Variants in RMDN1 observed in about 807,000 individuals in gnomAD.
RMDN1 encodes the protein regulator of microtubule dynamics protein 1.
RMDN1 carries 48 observed loss-of-function variants against 48.9 expected under a neutral mutation model. The ratio of observed to expected loss-of-function variants is 0.98; its 90% confidence interval spans 0.78 to 1.25. The LOEUF (loss-of-function observed/expected upper bound fraction) is 1.25. Ranked by LOEUF, RMDN1 falls within the 50% of genes most tolerant of loss-of-function variation. The probability of loss-of-function intolerance (pLI) is 0.00; values close to 1 mark genes in which losing one functional copy is unlikely to be tolerated. For synonymous variants in RMDN1, 148 were observed against 132.6 expected (o/e 1.12, Z -0.80); for missense variants, 418 against 373.4 (o/e 1.12, Z -0.98).
intron 6 of RMDN1, among the ~76,000 whole-genome samples, chr8:86,479,917 A>AGAT (rs1260040522): frequency 2.0e-5 from 3 of 152,172 alleles, no homozygotes; most frequent in Non-Finnish European, 4.4e-5. Context: ...ATGGTTCCTC[A>AGAT]GATTAATCAA....
At chr8:86,471,745 G>C (rs980621936), downstream of RMDN1, among the ~76,000 whole-genome samples, 1 of 152,156 alleles carries the variant, frequency 6.6e-6, no homozygotes, top group African/African-American at 2.4e-5. Flanking sequence ...GTGAAAGTCA[G>C]GCAAAGATCT....
intron 5 of RMDN1, chr8:86,481,991 C>A: frequency 2.4e-6 from 2 of 847,352 alleles, no homozygotes; most frequent in Non-Finnish European, 3.9e-6. Context: ...GAAATGGTGT[C>A]CAGGAGTACA....
chr8:86,504,911 T>C (rs1819054471), intron 2 of RMDN1: 3 of 1,150,856 alleles, frequency 2.6e-6, no homozygotes, highest in South Asian at 2.4e-5. Context: ...TCTTGACCTT[T>C]ACCTTCTTCA....
At chr8:86,482,603 C>T (rs1278262971) in intron 5 of RMDN1, 17 of 758,150 alleles carry the variant, frequency 2.2e-5, no homozygotes, top group Non-Finnish European at 4.2e-5. Flanking sequence ...TGACAACTGC[C>T]TCCCACATCA....
rs922321007 is a variant in RMDN1, at chr8:86,481,638, AAGG to A, written c.586-1309_586-1307del. The A allele has an allele frequency of 1.5e-5, 5 of 327,436 alleles. No individual in the cohort carries two copies. The Admixed American group carries it at 2.3e-4, about 15-fold the overall frequency. The allele number at this position is 327,436 out of a possible 1,614,324, so 20.3% of individuals were successfully genotyped here. A position where few individuals can be genotyped will look rare whatever the true frequency, so the allele number is the denominator to read the frequency against. ...GTCATTTGAAAAACACTGAGGAAGGAAGGAGAAGACCTAAGACCCAATGGATGT... is the reference window on the plus strand; with the variant it reads ...GTCATTTGAAAAACACTGAGGAAGGAAGAAGACCTAAGACCCAATGGATGT... On this transcript the variant is annotated intron_variant, in intron 5 of 9. Coordinates refer to ENST00000406452, the MANE Select transcript of RMDN1 (RefSeq NM_016033.3).
upstream of RMDN1, among the ~76,000 whole-genome samples, chr8:86,510,816 G>A (rs1468124446): frequency 6.6e-6 from 1 of 152,154 alleles, no homozygotes; most frequent in Non-Finnish European, 1.5e-5. Context: ...GAAAGGTGTG[G>A]AAGTTTGATA....
upstream of RMDN1, chr8:86,508,802 TG>T (rs1563674211): frequency 1.5e-6 from 2 of 1,319,734 alleles, no homozygotes; most frequent in Non-Finnish European, 1.9e-6. Context: ...GCTTAGGGGG[TG>T]GGAAATACCC....
At chr8:86,508,716 C>T, upstream of RMDN1, 2 of 1,335,376 alleles carry the variant, frequency 1.5e-6, no homozygotes, top group Non-Finnish European at 1.9e-6. Context: ...AGAACCGCGC[C>T]CGCCCGCCTC....
rs1819091143 is a variant in RMDN1, at chr8:86,505,092, C to T, written c.247+1903G>A. 3.6e-6 allele frequency: 5 copies of T among 1,383,078 alleles called. No individual in the cohort carries two copies. In the African/African-American group the frequency reaches 4.4e-5, roughly 12 times the overall value. 85.7% of individuals were successfully genotyped at this position (1,383,078 alleles called of 1,614,324 possible). On this transcript the variant is annotated intron_variant, in intron 2 of 9. Coordinates refer to ENST00000406452, the MANE Select transcript of RMDN1 (RefSeq NM_016033.3). ...AGTCATGCCTCCTTCCACCTCCCTC[C>T]CAGCATGGGAAAGCCACCTCTCCCT...
At chr8:86,478,719 C>G in intron 7 of RMDN1, 1 of 525,946 alleles carries the variant, frequency 1.9e-6, no homozygotes, top group Non-Finnish European at 3.4e-6. Flanking sequence ...CCAGAATTAC[C>G]AGCCACTCAC....
chr8:86,468,914 G>T (rs186388353), downstream of RMDN1, among the ~76,000 whole-genome samples: 2 of 152,194 alleles, frequency 1.3e-5, no homozygotes, highest in East Asian at 3.9e-4. Context: ...CTAACCGAAA[G>T]AAATTAGGAG....
In RMDN1 at chr8:86,506,474, G is replaced by A. The variant is rs146759734; in HGVS notation, c.247+521C>T. Among the ~76,000 whole-genome samples the A allele has an allele frequency of 2.0e-3, 301 of 152,304 alleles. 3 individuals carry two copies. Among genetic ancestry groups the A allele is most frequent in the Middle Eastern group, 6.8e-3 (2 of 294 alleles). Reference sequence around the variant, plus strand: ...AATCTTTCCAACAGACCATGTTCGAGATAGTATGAGTCAATGTACAGTGTA... The same window carrying A: ...AATCTTTCCAACAGACCATGTTCGAAATAGTATGAGTCAATGTACAGTGTA... On this transcript the variant is annotated intron_variant, in intron 2 of 9. Coordinates refer to ENST00000406452, the MANE Select transcript of RMDN1 (RefSeq NM_016033.3).
chr8:86,470,184 A>G, downstream of RMDN1: 1 of 1,289,046 alleles, frequency 7.8e-7, no homozygotes, highest in Non-Finnish European at 1.0e-6. Flanking sequence ...TATGTATGTA[A>G]TAACACTTAG....
At position 86,473,819 on chromosome 8, in the gene RMDN1, TTTAC is replaced by T; in HGVS notation, c.*485_*488del. 1 of 984,976 alleles carries T rather than the reference TTTAC, an allele frequency of 1.0e-6. No individual in the cohort carries two copies. Among genetic ancestry groups the T allele is most frequent in the Non-Finnish European group, 1.2e-6 (1 of 829,480 alleles). The allele number at this position is 984,976 out of a possible 1,614,324, so 61.0% of individuals were successfully genotyped here. A position where few individuals can be genotyped will look rare whatever the true frequency, so the allele number is the denominator to read the frequency against. ...TTTTAGTCATCTCCTTACTTAGTTC[TTTAC>T]TTACACAGGTTAGCTCCAAGATATA... On this transcript the variant is annotated 3_prime_UTR_variant, in exon 10 of 10. Transcript: ENST00000406452.
upstream of RMDN1, among the ~76,000 whole-genome samples, chr8:86,512,051 GTGAA>G (rs1000445000): frequency 2.0e-5 from 3 of 152,138 alleles, no homozygotes; most frequent in Admixed American, 6.5e-5. Context: ...AAATTAATGG[GTGAA>G]TGAATGAGAA....
At chr8:86,470,093 C>A, downstream of RMDN1, 3 of 1,148,030 alleles carry the variant, frequency 2.6e-6, no homozygotes, top group South Asian at 4.5e-5. Flanking sequence ...CTTATAGAAT[C>A]ACGGCCATTT....
intron 9 of RMDN1, 123 bp from the exon 10 acceptor site, chr8:86,474,481 A>C: frequency 1.3e-6 from 1 of 798,206 alleles, no homozygotes; most frequent in East Asian, 2.5e-5. Context: ...TTATAACAAT[A>C]AAATGTCTTG....
downstream of RMDN1, among the ~76,000 whole-genome samples, chr8:86,470,728 T>A (rs1456048978): frequency 6.6e-6 from 1 of 152,164 alleles, no homozygotes; most frequent in Non-Finnish European, 1.5e-5. Context: ...AAACTATTGA[T>A]AGAACTTAGG....
downstream of RMDN1, among the ~76,000 whole-genome samples, chr8:86,470,801 G>C (rs896018938): frequency 3.3e-5 from 5 of 152,134 alleles, no homozygotes; most frequent in African/African-American, 1.2e-4. Context: ...GATTCCATTT[G>C]TATAACATTG....
Sources: gnomAD v4.1 joint callset for allele counts (sites outside exome capture counted in the v4.1 genomes callset) on GRCh38, gnomAD v4.1.1 for gene constraint, MANE v1.5 for transcripts, NCBI Gene and HGNC (gene_info 2026-07-23, HGNC 2026-07-21) for gene names.